The following ANTXR2 variants were observed in gnomAD, a reference collection of about 807,000 sequenced individuals.
The protein encoded by ANTXR2 is ANTXR cell adhesion molecule 2.
In ANTXR2, 44 loss-of-function variants were observed where a neutral mutation model predicts 73.7. The ratio of observed to expected loss-of-function variants is 0.60; its 90% CI spans 0.47 to 0.77. ANTXR2 has a LOEUF of 0.77. Among genes scored for constraint, ANTXR2 ranks in the 30% least tolerant of loss-of-function variants. The pLI, the probability that ANTXR2 is intolerant of heterozygous loss-of-function variation, is 0.00. For synonymous variants in ANTXR2, 217 were observed against 205.9 expected, an observed-to-expected ratio of 1.05 and a Z score of -0.46; for missense variants, 604 against 592.5, an observed-to-expected ratio of 1.02 and a Z score of -0.20.
At chr4:80,054,046 C>G (rs940845728) in intron 7 of ANTXR2, among the ~76,000 whole-genome samples, 1 of 151,684 alleles carries the variant, frequency 6.6e-6, no homozygotes, top group Non-Finnish European at 1.5e-5. Context: ...CTTGAAACCA[C>G]AAACCCAGTC....
intron 14 of ANTXR2, among the ~76,000 whole-genome samples, chr4:79,979,418 C>T (rs1014689796): frequency 3.9e-5 from 6 of 151,930 alleles, no homozygotes; most frequent in Non-Finnish European, 7.4e-5. Flanking sequence ...AAAAAAAATC[C>T]TAAGACTTCC....
Position 79,907,007 on chromosome 4 carries a change from A to AAC in ANTXR2, c.*420_*421dup, listed in dbSNP as rs1243921183. 4.6e-6 allele frequency: 1 copy of AAC among 216,240 alleles called. No homozygotes were observed. Among genetic ancestry groups the AAC allele is most frequent in the East Asian group, 1.6e-4 (1 of 6,062 alleles). The allele number at this position is 216,240 out of a possible 1,614,324, so 13.4% of individuals were successfully genotyped here. A position where few individuals can be genotyped will look rare whatever the true frequency, so the allele number is the denominator to read the frequency against. ...ATGGATAAAGATCTTGCCACATAAA[A>AAC]ACACAAGTGCCATGTTTCCATGTAA... On this transcript the variant is annotated 3_prime_UTR_variant, in exon 17 of 17. Transcript: ENST00000403729.
intron 16 of ANTXR2, among the ~76,000 whole-genome samples, chr4:79,977,156 A>T (rs1188475408): frequency 6.6e-6 from 1 of 152,234 alleles, no homozygotes; most frequent in African/African-American, 2.4e-5. Context: ...CTTTAAAGAC[A>T]CTTTTACGTA....
chr4:79,907,247 C>A lies in ANTXR2; in HGVS notation c.*182G>T, dbSNP rs1753857973. 2 of 662,790 alleles carry A rather than the reference C, an allele frequency of 3.0e-6. No homozygotes were observed. Among genetic ancestry groups the A allele is most frequent in the Non-Finnish European group, 2.6e-6 (1 of 382,414 alleles). 41.1% of individuals were successfully genotyped at this position (662,790 alleles called of 1,614,324 possible). On this transcript the variant is annotated 3_prime_UTR_variant, in exon 17 of 17. Coordinates refer to ENST00000403729, the MANE Select transcript of ANTXR2 (RefSeq NM_058172.6). The stretch of plus-strand genomic sequence containing the variant: ...ATCACCTCCCATGTAGATGGCAGAA[C>A]AAGTGTTTAGAAATGTTTGGTGCAA...
At chr4:79,966,816 T>C (rs1729384692) in intron 16 of ANTXR2, among the ~76,000 whole-genome samples, 1 of 152,242 alleles carries the variant, frequency 6.6e-6, no homozygotes, top group Non-Finnish European at 1.5e-5. Flanking sequence ...CATGATTAAA[T>C]GGCCTGTGAT....
At chr4:80,038,994 C>T (rs986673912) in intron 7 of ANTXR2, among the ~76,000 whole-genome samples, 8 of 151,956 alleles carry the variant, frequency 5.3e-5, no homozygotes, top group Admixed American at 2.6e-4. Flanking sequence ...TTTGTGCCTT[C>T]GGTACAACCA....
chr4:80,010,053 T>A (rs1731497820), intron 11 of ANTXR2, among the ~76,000 whole-genome samples: 1 of 151,294 alleles, frequency 6.6e-6, no homozygotes, highest in African/African-American at 2.4e-5. Flanking sequence ...GTGGTTTTTT[T>A]TTTTATGAGA....
chr4:79,904,296 ACTT>A lies in ANTXR2; in HGVS notation c.*3130_*3132del, dbSNP rs1726823473. ...AGTTCAAGGGAAATATAAGCAAACTACTTCTTTCTCTAACAATCTGAAATACAT... is the reference window on the plus strand; with the variant it reads ...AGTTCAAGGGAAATATAAGCAAACTACTTTCTCTAACAATCTGAAATACAT... On this transcript the variant is annotated 3_prime_UTR_variant, in exon 17 of 17. Coordinates refer to ENST00000403729, the MANE Select transcript of ANTXR2 (RefSeq NM_058172.6). The A allele has an allele frequency of 6.6e-6, 1 of 152,066 alleles. No homozygotes were observed. Among genetic ancestry groups the A allele is most frequent in the Non-Finnish European group, 1.5e-5 (1 of 67,970 alleles). 9.4% of individuals were successfully genotyped at this position (152,066 alleles called of 1,614,324 possible).
chr4:80,060,662 G>T (rs1445882961), intron 3 of ANTXR2, among the ~76,000 whole-genome samples: 1 of 152,070 alleles, frequency 6.6e-6, no homozygotes, highest in African/African-American at 2.4e-5. Flanking sequence ...GTCCTATTTT[G>T]TTATTAGTTA....
At chr4:80,041,663 C>T (rs1733256485) in intron 7 of ANTXR2, among the ~76,000 whole-genome samples, 1 of 152,052 alleles carries the variant, frequency 6.6e-6, no homozygotes, top group African/African-American at 2.4e-5. Flanking sequence ...GTTCCCCACC[C>T]TGTGTCCATG....
chr4:79,957,446 T>C (rs779796129), intron 16 of ANTXR2, among the ~76,000 whole-genome samples: 1 of 152,120 alleles, frequency 6.6e-6, no homozygotes, highest in Admixed American at 6.6e-5. Context: ...AAAAGTATAA[T>C]GTATCTCAAA....
chr4:79,914,693 A>C (rs1409877801), intron 16 of ANTXR2, among the ~76,000 whole-genome samples: 1 of 152,170 alleles, frequency 6.6e-6, no homozygotes, highest in East Asian at 1.9e-4. Context: ...AAGTTGAAAA[A>C]TTAATATGAA....
At chr4:79,948,167 C>T (rs1213707013) in intron 16 of ANTXR2, among the ~76,000 whole-genome samples, 1 of 152,128 alleles carries the variant, frequency 6.6e-6, no homozygotes, top group Non-Finnish European at 1.5e-5. Context: ...AAACTAACTT[C>T]TCATCAAAGC....
At chr4:79,997,438 G>T (rs528916569) in intron 12 of ANTXR2, among the ~76,000 whole-genome samples, 2 of 151,868 alleles carry the variant, frequency 1.3e-5, no homozygotes, top group South Asian at 2.1e-4. Context: ...ATATATGGGG[G>T]TCTTCCTTTC....
chr4:80,018,240 T>C (rs1248309499), intron 11 of ANTXR2, among the ~76,000 whole-genome samples: 1 of 152,196 alleles, frequency 6.6e-6, no homozygotes, highest in Non-Finnish European at 1.5e-5. Context: ...TGGTCCTGTT[T>C]AGTGCTGCCC....
At chr4:79,997,361 A>T (rs951967487) in intron 12 of ANTXR2, among the ~76,000 whole-genome samples, 4 of 152,008 alleles carry the variant, frequency 2.6e-5, no homozygotes, top group African/African-American at 7.2e-5. Flanking sequence ...CGGCAATGTC[A>T]TCTAGGTGCC....
At chr4:79,909,410 T>C (rs1399709730) in intron 16 of ANTXR2, among the ~76,000 whole-genome samples, 1 of 152,182 alleles carries the variant, frequency 6.6e-6, no homozygotes, top group Non-Finnish European at 1.5e-5. Flanking sequence ...TTTAAGCAAC[T>C]GGATAGTTTA....
intron 16 of ANTXR2, among the ~76,000 whole-genome samples, chr4:79,923,941 T>C (rs1347076279): frequency 6.6e-6 from 1 of 152,160 alleles, no homozygotes; most frequent in East Asian, 1.9e-4. Flanking sequence ...TTATTAAATT[T>C]GGAAAAGAAA....
intron 10 of ANTXR2, among the ~76,000 whole-genome samples, chr4:80,027,550 C>T (rs1163267414): frequency 1.3e-5 from 2 of 152,126 alleles, no homozygotes; most frequent in Non-Finnish European, 2.9e-5. Flanking sequence ...AGAACTAATA[C>T]TATCAGTTTC....
Sources: gnomAD v4.1 joint callset for allele counts (sites outside exome capture counted in the v4.1 genomes callset) on GRCh38, gnomAD v4.1.1 for gene constraint, MANE v1.5 for transcripts, NCBI Gene and HGNC (gene_info 2026-07-23, HGNC 2026-07-21) for gene names.